Variants in GMDS observed in about 807,000 individuals in gnomAD.
The protein encoded by GMDS is GDP-mannose 4,6 dehydratase.
GMDS carries 20 observed loss-of-function variants against 49.9 expected under a neutral mutation model. That is an observed-to-expected ratio of 0.40 (90% CI 0.28 to 0.58). GMDS has a LOEUF of 0.58. Among genes scored for constraint, GMDS ranks in the 20% least tolerant of loss-of-function variants. The pLI, the probability that GMDS is intolerant of heterozygous loss-of-function variation, is 0.42. For synonymous variants in GMDS, 177 were observed against 178.6 expected (o/e 0.99, Z 0.07); for missense variants, 362 against 481.4 (o/e 0.75, Z 2.32).
At chr6:1,835,163 G>A (rs930301870) in intron 7 of GMDS, among the ~76,000 whole-genome samples, 2 of 152,168 alleles carry the variant, frequency 1.3e-5, no homozygotes, top group Non-Finnish European at 2.9e-5. Flanking sequence ...TTGCGTAAGG[G>A]GGGGTCTGTC....
At chr6:1,789,532 CTTTTTTTTTT>C (rs59996305) in intron 7 of GMDS, among the ~76,000 whole-genome samples, 67,204 of 141,358 alleles carry the variant, frequency 0.48, 16,110 homozygotes, top group African/African-American at 0.63. Context: ...TTTCTTTTTT[CTTTTTTTTTT>C]TTTTTTTTTT....
intron 4 of GMDS, among the ~76,000 whole-genome samples, chr6:2,069,463 C>T (rs1391609114): frequency 2.0e-5 from 3 of 151,818 alleles, no homozygotes; most frequent in Non-Finnish European, 4.4e-5. Context: ...AAGAAACTAC[C>T]ATCAGAGTGA....
chr6:1,876,708 C>T (rs1236819698), intron 7 of GMDS, among the ~76,000 whole-genome samples: 2 of 152,138 alleles, frequency 1.3e-5, no homozygotes, highest in Admixed American at 6.5e-5. Context: ...AATATAAATA[C>T]AATATAAATG....
intron 1 of GMDS, among the ~76,000 whole-genome samples, chr6:2,206,095 C>T (rs1362458090): frequency 6.6e-6 from 1 of 152,074 alleles, no homozygotes; most frequent in Non-Finnish European, 1.5e-5. Context: ...CATGTCTCTA[C>T]TAAAAATACA....
intron 4 of GMDS, among the ~76,000 whole-genome samples, chr6:1,986,837 T>G (rs1032175008): frequency 6.6e-6 from 1 of 152,238 alleles, no homozygotes; most frequent in African/African-American, 2.4e-5. Context: ...TTCAAAATTT[T>G]TTTAGCTTTA....
chr6:1,750,613 C>T (rs903032521), intron 7 of GMDS, among the ~76,000 whole-genome samples: 15 of 152,136 alleles, frequency 9.9e-5, no homozygotes, highest in African/African-American at 3.6e-4. Flanking sequence ...CTTCGGGTGC[C>T]TATACCACCA....
chr6:1,925,667 G>C (rs1474910926), intron 7 of GMDS, among the ~76,000 whole-genome samples: 4 of 152,184 alleles, frequency 2.6e-5, no homozygotes, highest in Non-Finnish European at 5.9e-5. Context: ...TTCATCTGAA[G>C]GTTTACTAAA....
chr6:1,878,423 T>C (rs531243530), intron 7 of GMDS, among the ~76,000 whole-genome samples: 1 of 151,530 alleles, frequency 6.6e-6, no homozygotes, highest in Admixed American at 6.6e-5. Flanking sequence ...CAAAAGATTC[T>C]AGGAGATGTT....
At chr6:1,698,533 A>G (rs751628477) in intron 9 of GMDS, among the ~76,000 whole-genome samples, 1 of 152,182 alleles carries the variant, frequency 6.6e-6, no homozygotes, top group Admixed American at 6.5e-5. Context: ...TATTAGAAAA[A>G]TACACAGAAT....
intron 1 of GMDS, among the ~76,000 whole-genome samples, chr6:2,156,191 C>T (rs576625368): frequency 2.3e-4 from 35 of 152,112 alleles, no homozygotes; most frequent in Admixed American, 2.0e-3. Flanking sequence ...TATAGAGCGT[C>T]TTGAAAAGCT....
At position 1,635,387 on chromosome 6, in the gene GMDS, T is replaced by C. The variant is rs1012512562; in HGVS notation, c.988-10847A>G. On this transcript the variant is annotated intron_variant, in intron 9 of 10. Transcript: ENST00000380815. The surrounding 1 kb of genome is among the most constrained non-coding windows in gnomAD (Gnocchi z 4.7). ...AGCTGTGTCCACTGCGCAACCAACA[T>C]GGCCCACTTTCATCCTCCGGCTGCA... 1.3e-5 allele frequency among the ~76,000 whole-genome samples: 2 copies of C among 152,158 alleles called. No individual in the cohort carries two copies. The highest frequency in any genetic ancestry group is 4.8e-5 in the African/African-American group (2 of 41,440).
intron 8 of GMDS, among the ~76,000 whole-genome samples, chr6:1,727,967 C>T (rs1766652482): frequency 6.6e-6 from 1 of 152,136 alleles, no homozygotes; most frequent in Admixed American, 6.5e-5. Context: ...GTTTTCATTT[C>T]TTCCTTAATG....
intron 4 of GMDS, among the ~76,000 whole-genome samples, chr6:2,090,378 A>G (rs1773247658): frequency 6.6e-6 from 1 of 152,208 alleles, no homozygotes; most frequent in Admixed American, 6.5e-5. Flanking sequence ...TGAGGTTAAC[A>G]AGTTTATCTG....
intron 7 of GMDS, among the ~76,000 whole-genome samples, chr6:1,866,088 T>C (rs1758429548): frequency 6.6e-6 from 1 of 152,184 alleles, no homozygotes; most frequent in South Asian, 2.1e-4. Flanking sequence ...CCTCTCCGTT[T>C]CCACCTCAAG....
intron 7 of GMDS, among the ~76,000 whole-genome samples, chr6:1,821,562 A>C (rs968832686): frequency 6.6e-6 from 1 of 151,422 alleles, no homozygotes; most frequent in African/African-American, 2.4e-5. Context: ...TTAATATATA[A>C]ACTGTGTAAC....
intron 7 of GMDS, among the ~76,000 whole-genome samples, chr6:1,882,987 G>A (rs1020841133): frequency 6.6e-5 from 10 of 152,328 alleles, no homozygotes; most frequent in Admixed American, 2.0e-4. Context: ...TCATATCATG[G>A]TAGGTATGCT....
chr6:1,980,897 C>T (rs987934331), intron 4 of GMDS, among the ~76,000 whole-genome samples: 1 of 152,080 alleles, frequency 6.6e-6, no homozygotes, highest in South Asian at 2.1e-4. Context: ...CAAAACTACA[C>T]AACTATTAAT....
chr6:2,201,208 C>A (rs1779515433), intron 1 of GMDS, among the ~76,000 whole-genome samples: 1 of 136,056 alleles, frequency 7.3e-6, no homozygotes, highest in Non-Finnish European at 1.6e-5. Flanking sequence ...GAGAGAGCAC[C>A]ACATGGACAT....
chr6:1,824,871 G>A (rs6596856), intron 7 of GMDS, among the ~76,000 whole-genome samples: 35,993 of 152,052 alleles, frequency 0.24, 4,590 homozygotes, highest in African/African-American at 0.34. Flanking sequence ...TTTGGACTGT[G>A]GTACCATACG....
Sources: allele counts gnomAD v4.1 joint callset (sites outside exome capture counted in the v4.1 genomes callset), GRCh38; gene constraint gnomAD v4.1.1; non-coding constraint Gnocchi (gnomAD v3.1); transcripts MANE v1.5; gene names NCBI Gene and HGNC (gene_info 2026-07-23, HGNC 2026-07-21).